Variants in ZBTB16 observed in about 807,000 individuals in gnomAD.
ZBTB16 encodes zinc finger and BTB domain containing 16.
ZBTB16 carries 8 observed loss-of-function variants against 56.8 expected under a neutral mutation model. That is an observed-to-expected ratio of 0.14 (90% CI 0.08 to 0.25). The LOEUF (loss-of-function observed/expected upper bound fraction) is 0.25. Ranked by LOEUF, ZBTB16 falls within the 10% of genes least tolerant of loss-of-function variation. The probability of loss-of-function intolerance (pLI) is 1.00; values close to 1 mark genes in which losing one functional copy is unlikely to be tolerated. For synonymous variants in ZBTB16, 363 were observed against 368.5 expected, an observed-to-expected ratio of 0.98 and a Z score of 0.17; for missense variants, 625 against 903.0, an observed-to-expected ratio of 0.69 and a Z score of 3.95.
intron 2 of ZBTB16, among the ~76,000 whole-genome samples, chr11:114,068,280 G>T (rs559593634): frequency 6.6e-6 from 1 of 152,278 alleles, no homozygotes; most frequent in East Asian, 1.9e-4. Context: ...AATGAAGGCG[G>T]ATTGCTGGTA....
intron 2 of ZBTB16, among the ~76,000 whole-genome samples, chr11:114,090,809 C>A (rs1473144919): frequency 6.6e-6 from 1 of 152,182 alleles, no homozygotes; most frequent in Non-Finnish European, 1.5e-5. Context: ...CACTAATATC[C>A]CTCCCAAACT....
intron 2 of ZBTB16, among the ~76,000 whole-genome samples, chr11:114,124,290 A>G (rs983769303): frequency 6.6e-6 from 1 of 152,110 alleles, no homozygotes. Flanking sequence ...TTAGAAGAAG[A>G]GGGGCTCTGG....
At chr11:114,088,084 A>G (rs35173311) in intron 2 of ZBTB16, among the ~76,000 whole-genome samples, 1,656 of 150,646 alleles carry the variant, frequency 0.011, 28 homozygotes, top group African/African-American at 0.038. Flanking sequence ...TGGAAATAAT[A>G]TGTCCCTCCA....
At chr11:114,094,777 T>C (rs539528732) in intron 2 of ZBTB16, among the ~76,000 whole-genome samples, 2 of 152,310 alleles carry the variant, frequency 1.3e-5, no homozygotes, top group Admixed American at 1.3e-4. Context: ...AGGCAGGAGG[T>C]CCCTGGCCCA....
In ZBTB16 at chr11:114,254,091, C is replaced by CCTCA. The variant is rs35577066; in HGVS notation, c.*3537_*3540dup. On this transcript the variant is annotated 3_prime_UTR_variant, in exon 7 of 7. Coordinates refer to ENST00000335953, the MANE Select transcript of ZBTB16 (RefSeq NM_006006.6). ...CTTAATGCATTTGGTGACATTTACACCTCATGTGCTCTTTCCCTATTCACT... is the reference window on the plus strand; with the variant it reads ...CTTAATGCATTTGGTGACATTTACACCTCACTCATGTGCTCTTTCCCTATTCACT... Among the ~76,000 whole-genome samples, 141,442 of 151,942 alleles carry CCTCA rather than the reference C, an allele frequency of 0.93. 65,872 individuals carry two copies. Among genetic ancestry groups the CCTCA allele is most frequent in the East Asian group, 1 (5,157 of 5,158 alleles).
At chr11:114,115,974 A>G (rs1431764748) in intron 2 of ZBTB16, among the ~76,000 whole-genome samples, 2 of 152,166 alleles carry the variant, frequency 1.3e-5, no homozygotes, top group Non-Finnish European at 2.9e-5. Context: ...CACCCTGTCC[A>G]TGAAGCAGGG....
intron 4 of ZBTB16, among the ~76,000 whole-genome samples, chr11:114,199,426 G>C (rs1943683940): frequency 6.6e-6 from 1 of 152,252 alleles, no homozygotes; most frequent in African/African-American, 2.4e-5. Flanking sequence ...TGGGCCCCGG[G>C]ATGGGGATGC....
intron 3 of ZBTB16, among the ~76,000 whole-genome samples, chr11:114,182,506 G>A (rs1409449385): frequency 6.6e-6 from 1 of 151,946 alleles, no homozygotes; most frequent in African/African-American, 2.4e-5. Context: ...TCCACCTCTC[G>A]GCATATAGCT....
At chr11:114,112,981 C>G (rs550261780) in intron 2 of ZBTB16, among the ~76,000 whole-genome samples, 1 of 152,026 alleles carries the variant, frequency 6.6e-6, no homozygotes, top group South Asian at 2.1e-4. Context: ...CTGCATTGCC[C>G]AGGCTGATCA....
intron 4 of ZBTB16, among the ~76,000 whole-genome samples, chr11:114,197,133 A>C (rs1241857585): frequency 6.6e-6 from 1 of 152,220 alleles, no homozygotes; most frequent in African/African-American, 2.4e-5. Context: ...CACTGTGACT[A>C]CAAAATAAGT....
intron 5 of ZBTB16, among the ~76,000 whole-genome samples, chr11:114,245,955 AT>A (rs1213534215): frequency 2.0e-5 from 3 of 152,096 alleles, no homozygotes; most frequent in Non-Finnish European, 4.4e-5. Context: ...ATCTATCTTT[AT>A]TGTCTGCGCC....
At chr11:114,075,709 G>A (rs1367486762) in intron 2 of ZBTB16, among the ~76,000 whole-genome samples, 1 of 151,718 alleles carries the variant, frequency 6.6e-6, no homozygotes, top group East Asian at 1.9e-4. Context: ...GACCTCAGGT[G>A]ATCTGCCTGT....
intron 2 of ZBTB16, among the ~76,000 whole-genome samples, chr11:114,096,239 T>C (rs1027142737): frequency 2.0e-5 from 3 of 152,296 alleles, no homozygotes; most frequent in African/African-American, 4.8e-5. Context: ...TTCTGAAATA[T>C]GTTGCCAGGC....
intron 4 of ZBTB16, among the ~76,000 whole-genome samples, chr11:114,232,761 G>A (rs1280350353): frequency 6.6e-6 from 1 of 150,388 alleles, no homozygotes; most frequent in Non-Finnish European, 1.5e-5. Context: ...GTGGTGCCAG[G>A]GCACATTTGT....
At chr11:114,159,087 C>T (rs2134967035) in intron 3 of ZBTB16, among the ~76,000 whole-genome samples, 1 of 152,290 alleles carries the variant, frequency 6.6e-6, no homozygotes, top group South Asian at 2.1e-4. Context: ...GAAGCGGCTG[C>T]AGAAAAGAAA....
chr11:114,177,102 C>T (rs576865022), intron 3 of ZBTB16, among the ~76,000 whole-genome samples: 4 of 152,356 alleles, frequency 2.6e-5, no homozygotes, highest in South Asian at 2.1e-4. Context: ...TGAAATTATT[C>T]TATAATCATG....
chr11:114,134,172 C>T (rs1216168138), intron 2 of ZBTB16, among the ~76,000 whole-genome samples: 1 of 152,202 alleles, frequency 6.6e-6, no homozygotes, highest in Non-Finnish European at 1.5e-5. Flanking sequence ...TGCGAGCTCA[C>T]CAGCATCATT....
chr11:114,136,769 A>T (rs1379990496), intron 2 of ZBTB16, among the ~76,000 whole-genome samples: 3 of 152,016 alleles, frequency 2.0e-5, no homozygotes, highest in Non-Finnish European at 4.4e-5. Context: ...ACTGAGGATG[A>T]CTTTGTCTTT....
intron 4 of ZBTB16, among the ~76,000 whole-genome samples, chr11:114,197,530 G>A (rs1943637514): frequency 6.6e-6 from 1 of 151,986 alleles, no homozygotes; most frequent in Non-Finnish European, 1.5e-5. Context: ...CTTGGTGTTG[G>A]CTGCCTGCTT....
Sources: allele counts gnomAD v4.1 joint callset (sites outside exome capture counted in the v4.1 genomes callset), GRCh38; gene constraint gnomAD v4.1.1; transcripts MANE v1.5; gene names NCBI Gene and HGNC (gene_info 2026-07-23, HGNC 2026-07-21).